FGGY: variants seen among roughly 807,000 people sequenced by gnomAD.
FGGY encodes FGGY carbohydrate kinase domain containing, also known as FGGY carbohydrate kinase domain-containing protein.
Under a neutral mutation model 71.3 loss-of-function variants are expected in FGGY, and 72 were observed. The ratio of observed to expected loss-of-function variants is 1.01; its 90% CI spans 0.84 to 1.23. The LOEUF (loss-of-function observed/expected upper bound fraction) is 1.23. FGGY is among the 50% of genes most tolerant of loss of function. FGGY has a pLI of 0.00. For synonymous variants in FGGY, 251 were observed against 250.3 expected (o/e 1.00, Z -0.02); for missense variants, 668 against 682.3 (o/e 0.98, Z 0.23).
chr1:59,661,733 TGTTTTG>T (rs929801253), intron 12 of FGGY, among the ~76,000 whole-genome samples: 6 of 147,476 alleles, frequency 4.1e-5, no homozygotes, highest in African/African-American at 1.6e-4. Flanking sequence ...TTTTTGTTTT[TGTTTTG>T]AGACAGAGTC....
At chr1:59,598,770 A>G (rs780567155) in intron 8 of FGGY, among the ~76,000 whole-genome samples, 16 of 152,208 alleles carry the variant, frequency 1.1e-4, no homozygotes, top group Non-Finnish European at 2.1e-4. Flanking sequence ...CTTACAGATA[A>G]TATTAGATGT....
intron 9 of FGGY, among the ~76,000 whole-genome samples, chr1:59,623,002 T>A (rs114258418): frequency 6.6e-6 from 1 of 152,114 alleles, no homozygotes; most frequent in African/African-American, 2.4e-5. Context: ...CTCTAGGCAC[T>A]GAGGAGTGGA....
chr1:59,481,270 A>G (rs1443365302), intron 6 of FGGY, among the ~76,000 whole-genome samples: 1 of 152,180 alleles, frequency 6.6e-6, no homozygotes, highest in African/African-American at 2.4e-5. Context: ...AAATTTTAGA[A>G]TGTTAGTACT....
At chr1:59,577,017 A>T (rs1183223699) in intron 8 of FGGY, among the ~76,000 whole-genome samples, 1 of 152,194 alleles carries the variant, frequency 6.6e-6, no homozygotes, top group African/African-American at 2.4e-5. Context: ...ACGATAGTTA[A>T]TATCTGTTTC....
intron 9 of FGGY, among the ~76,000 whole-genome samples, chr1:59,614,089 C>T (rs189000990): frequency 2.0e-5 from 3 of 152,208 alleles, no homozygotes; most frequent in East Asian, 1.9e-4. Flanking sequence ...ACTGGTACCA[C>T]TCCTTCTGAA....
chr1:59,567,109 A>G (rs2095886286), intron 8 of FGGY, among the ~76,000 whole-genome samples: 1 of 152,168 alleles, frequency 6.6e-6, no homozygotes, highest in Non-Finnish European at 1.5e-5. Flanking sequence ...TGCCATACCT[A>G]TTTGATTTCT....
intron 7 of FGGY, among the ~76,000 whole-genome samples, chr1:59,522,871 T>C (rs2094874133): frequency 6.6e-6 from 1 of 152,178 alleles, no homozygotes; most frequent in Non-Finnish European, 1.5e-5. Context: ...AATGGAAAAG[T>C]AGTACCTAGT....
chr1:59,376,983 G>A (rs1369720460), intron 4 of FGGY, among the ~76,000 whole-genome samples: 1 of 152,168 alleles, frequency 6.6e-6, no homozygotes, highest in East Asian at 1.9e-4. Context: ...GAAGTGAAAT[G>A]GTTCCATTTG....
chr1:59,408,894 G>A (rs1182707993), intron 5 of FGGY, among the ~76,000 whole-genome samples: 1 of 152,180 alleles, frequency 6.6e-6, no homozygotes, highest in African/African-American at 2.4e-5. Context: ...AGCTTCCACA[G>A]AGCTTTCTTG....
chr1:59,684,308 G>A (rs1299521467), intron 14 of FGGY, among the ~76,000 whole-genome samples: 2 of 152,206 alleles, frequency 1.3e-5, no homozygotes, highest in Non-Finnish European at 2.9e-5. Context: ...CTGTGTCTCA[G>A]AGGCCTCACC....
At chr1:59,426,998 A>G (rs2066491747) in intron 5 of FGGY, among the ~76,000 whole-genome samples, 1 of 152,214 alleles carries the variant, frequency 6.6e-6, no homozygotes, top group Admixed American at 6.5e-5. Context: ...GACTTGAGGG[A>G]CATAAAAATC....
intron 14 of FGGY, among the ~76,000 whole-genome samples, chr1:59,728,313 G>C (rs1237188086): frequency 6.6e-6 from 1 of 151,944 alleles, no homozygotes; most frequent in Non-Finnish European, 1.5e-5. Context: ...TTATAAGGAA[G>C]TACTTTCAAT....
Position 59,554,147 on chromosome 1 carries a change from G to A in FGGY, c.823G>A (p.Gly275Arg). The A allele has an allele frequency of 4.3e-6, 7 of 1,612,292 alleles. No homozygotes were observed. The highest frequency in any genetic ancestry group is 5.1e-6 in the Non-Finnish European group (6 of 1,178,514). Residue 275 changes from glycine (G) to arginine (R), a missense_variant, in exon 8 of 16, where the codon GGG (glycine) becomes AGG (arginine). By Grantham distance (125) the Gly-to-Arg change is moderately radical. Transcript: ENST00000303721. ...AGGAGTGATTGGGGCAGATGTGAGAGGGCACGGCCTCATCTGTGAGGGGCA... is the reference window on the plus strand; with the variant it reads ...AGGAGTGATTGGGGCAGATGTGAGAAGGCACGGCCTCATCTGTGAGGGGCA... Reference protein sequence around the residue: ...GLGVIGADVRGHGLICEGQPV... With the variant: ...GLGVIGADVRRHGLICEGQPV...
chr1:59,595,996 T>C (rs887575524), intron 8 of FGGY, among the ~76,000 whole-genome samples: 3 of 152,166 alleles, frequency 2.0e-5, no homozygotes, highest in Admixed American at 6.5e-5. Context: ...TTTCATTTGT[T>C]TCTGATTGTT....
intron 1 of FGGY, among the ~76,000 whole-genome samples, chr1:59,317,659 C>A (rs1461268185): frequency 6.6e-6 from 1 of 152,086 alleles, no homozygotes; most frequent in African/African-American, 2.4e-5. Flanking sequence ...GCTCACAGGT[C>A]GAATTTCAGG....
intron 9 of FGGY, among the ~76,000 whole-genome samples, chr1:59,608,292 G>A (rs754443555): frequency 6.6e-6 from 1 of 152,084 alleles, no homozygotes; most frequent in African/African-American, 2.4e-5. Flanking sequence ...TACACTTCAT[G>A]GTCTATCCCC....
intron 6 of FGGY, among the ~76,000 whole-genome samples, chr1:59,497,491 G>C (rs1486290559): frequency 3.3e-5 from 5 of 152,210 alleles, no homozygotes; most frequent in Non-Finnish European, 7.3e-5. Flanking sequence ...AGGAGGCTGA[G>C]GCAGGAGAAT....
intron 3 of FGGY, among the ~76,000 whole-genome samples, chr1:59,345,241 A>G (rs776480560): frequency 5.9e-5 from 9 of 152,214 alleles, no homozygotes; most frequent in Non-Finnish European, 1.2e-4. Context: ...TAAATAAAAT[A>G]ATGTGTGAAA....
At chr1:59,650,187 T>A (rs2097143076) in intron 11 of FGGY, among the ~76,000 whole-genome samples, 1 of 147,874 alleles carries the variant, frequency 6.8e-6, no homozygotes, top group East Asian at 1.9e-4. Flanking sequence ...TCGATGTTCA[T>A]CAGGGATATT....
Sources: gnomAD v4.1 joint callset for allele counts (sites outside exome capture counted in the v4.1 genomes callset) on GRCh38, gnomAD v4.1.1 for gene constraint, MANE v1.5 for transcripts, NCBI Gene and HGNC (gene_info 2026-07-23, HGNC 2026-07-21) for gene names.